The following NDUFA10 variants were observed in gnomAD, a reference collection of about 807,000 sequenced individuals.
NDUFA10 encodes NADH:ubiquinone oxidoreductase subunit A10.
A neutral mutation model predicts 47.8 loss-of-function variants in NDUFA10; 40 were observed. That is an observed-to-expected ratio of 0.84 (90% CI 0.65 to 1.09). The LOEUF (loss-of-function observed/expected upper bound fraction) is 1.09. NDUFA10 is among the 50% of genes least tolerant of loss of function. The pLI is 0.00. For missense variants in NDUFA10, 413 were observed against 451.1 expected (o/e 0.92, Z 0.76); for synonymous variants, 183 against 172.2 (o/e 1.06, Z -0.49).
At chr2:239,951,389 T>C (rs1275027881) in intron 4 of NDUFA10, among the ~76,000 whole-genome samples, 4 of 152,036 alleles carry the variant, frequency 2.6e-5, no homozygotes. Context: ...TCGAAGGTGG[T>C]TGAGATTGGG....
rs1188652717 is a variant in NDUFA10, at chr2:239,959,473, C to T, written c.*1645G>A. 6.1e-6 allele frequency: 6 copies of T among 985,366 alleles called. No homozygotes were observed. The East Asian group carries it at 3.4e-4, about 56-fold the overall frequency. The allele number at this position is 985,366 out of a possible 1,614,324, so 61.0% of individuals were successfully genotyped here. ...TTTGTGAAGTGCTCAGAGCAAAAGA[C>T]ACTCTGTGACTGGCCCAATGCCCAG... On this transcript the variant is annotated 3_prime_UTR_variant, in exon 10 of 10. Coordinates refer to ENST00000252711, the MANE Select transcript of NDUFA10 (RefSeq NM_004544.4).
At chr2:239,910,465 A>G (rs556779815) in intron 4 of NDUFA10, among the ~76,000 whole-genome samples, 1 of 152,296 alleles carries the variant, frequency 6.6e-6, no homozygotes, top group South Asian at 2.1e-4. Context: ...CTAATGCAGG[A>G]ACAGAAAACC....
chr2:239,945,593 GA>G lies in NDUFA10; in HGVS notation c.294+44480del, dbSNP rs1490179146. Among the ~76,000 whole-genome samples, 5 of 152,196 alleles carry G rather than the reference GA, an allele frequency of 3.3e-5. No homozygotes were observed. Among genetic ancestry groups the G allele is most frequent in the Non-Finnish European group, 7.3e-5 (5 of 68,038 alleles). On this transcript the variant is annotated intron_variant, in intron 4 of 5. Coordinates refer to the NDUFA10 transcript ENST00000419408. This position sits in a 1 kb window ranked among gnomAD's most constrained non-coding sequence, Gnocchi z 4.6. ...GGGGGCTGAGGCTCCCTCCAGGGAG[GA>G]CTTGGCCACACACTGGTCCTTCATG...
At chr2:239,939,810 G>A (rs4853979) in intron 4 of NDUFA10, among the ~76,000 whole-genome samples, 124,489 of 152,212 alleles carry the variant, frequency 0.82, 51,175 homozygotes, top group African/African-American at 0.89. Flanking sequence ...CCCTGGGGAC[G>A]GTCAGAACGC....
chr2:240,005,482 G>C (rs190099304), intron 7 of NDUFA10, among the ~76,000 whole-genome samples, 187 bp from the exon 8 acceptor site: 1 of 151,946 alleles, frequency 6.6e-6, no homozygotes, highest in Non-Finnish European at 1.5e-5. Context: ...TCAGCCTCCC[G>C]AGTTGCTGGG....
chr2:240,020,246 G>A (rs1278781325), intron 3 of NDUFA10, among the ~76,000 whole-genome samples: 1 of 152,156 alleles, frequency 6.6e-6, no homozygotes, highest in Non-Finnish European at 1.5e-5. Context: ...AGTGGCGGCT[G>A]AGCTTGTGCG....
intron 4 of NDUFA10, among the ~76,000 whole-genome samples, chr2:239,914,019 G>A (rs1693798122): frequency 6.6e-6 from 1 of 152,180 alleles, no homozygotes; most frequent in African/African-American, 2.4e-5. Flanking sequence ...CGTGGACTTA[G>A]CACAGGACAG....
intron 4 of NDUFA10, among the ~76,000 whole-genome samples, chr2:239,900,615 G>T (rs1030806464): frequency 8.5e-5 from 13 of 152,066 alleles, no homozygotes; most frequent in Non-Finnish European, 1.2e-4. Flanking sequence ...TAGGGGTGGG[G>T]AAGTCACCCA....
intron 8 of NDUFA10, among the ~76,000 whole-genome samples, chr2:239,991,912 T>C (rs1696266392): frequency 6.6e-6 from 1 of 152,212 alleles, no homozygotes; most frequent in African/African-American, 2.4e-5. Flanking sequence ...CTATGCTTAA[T>C]TTGGCAACAT....
chr2:239,931,995 C>T (rs1445110974), intron 4 of NDUFA10, among the ~76,000 whole-genome samples: 1 of 152,034 alleles, frequency 6.6e-6, no homozygotes, highest in Non-Finnish European at 1.5e-5. Flanking sequence ...ATCACCACGC[C>T]CAGCTATTTT....
At chr2:239,918,329 T>C (rs1693912434) in intron 4 of NDUFA10, among the ~76,000 whole-genome samples, 2 of 152,164 alleles carry the variant, frequency 1.3e-5, no homozygotes, top group African/African-American at 4.8e-5. Flanking sequence ...ACACTGGACA[T>C]ACATGCGCCC....
chr2:240,022,039 T>C (rs1336904206), intron 2 of NDUFA10, 133 bp downstream of exon 2: 1 of 711,324 alleles, frequency 1.4e-6, no homozygotes, highest in East Asian at 4.3e-5. Flanking sequence ...TAAACAAAAA[T>C]GTGAAATACC....
At chr2:239,964,391 C>T (rs916558414) in intron 9 of NDUFA10, among the ~76,000 whole-genome samples, 3 of 152,100 alleles carry the variant, frequency 2.0e-5, no homozygotes, top group Admixed American at 6.5e-5. Context: ...CTTGAGCCCC[C>T]GGAAGGAGCC....
At position 240,012,736 on chromosome 2, in the gene NDUFA10, T is replaced by C. The variant is rs79471720; in HGVS notation, c.670-1040A>G. On this transcript the variant is annotated intron_variant, in intron 5 of 9. Coordinates refer to ENST00000252711, the MANE Select transcript of NDUFA10 (RefSeq NM_004544.4). ...ACTGAACATGTATTAATTCCAGTAA[T>C]GCGACGGGGCACAGGGAAAGGATGA... The C allele has an allele frequency of 5.8e-3, 877 of 152,340 alleles. 12 individuals are homozygous for C. Among genetic ancestry groups the C allele is most frequent in the African/African-American group, 0.02 (841 of 41,572 alleles). The allele number at this position is 152,340 out of a possible 1,614,324, so 9.4% of individuals were successfully genotyped here. A position where few individuals can be genotyped will look rare whatever the true frequency, so the allele number is the denominator to read the frequency against.
chr2:240,014,924 T>A, intron 4 of NDUFA10, 64 bp from the exon 5 acceptor site: 1 of 1,609,528 alleles, frequency 6.2e-7, no homozygotes, highest in Non-Finnish European at 8.5e-7. Context: ...CAAAACACAC[T>A]CCTCCTTGAA....
intron 4 of NDUFA10, among the ~76,000 whole-genome samples, chr2:239,923,310 T>C (rs777493894): frequency 3.3e-5 from 5 of 152,156 alleles, no homozygotes; most frequent in Non-Finnish European, 7.4e-5. Flanking sequence ...CAAAAGTATC[T>C]AATATTCTAG....
chr2:239,901,520 C>G (rs979541190), intron 4 of NDUFA10, among the ~76,000 whole-genome samples: 4 of 152,020 alleles, frequency 2.6e-5, no homozygotes, highest in African/African-American at 7.2e-5. Context: ...GCACCTGCCC[C>G]CCAAGAGCTC....
At chr2:239,985,864 T>C (rs1032980280) in intron 9 of NDUFA10, among the ~76,000 whole-genome samples, 2 of 137,562 alleles carry the variant, frequency 1.5e-5, no homozygotes, top group African/African-American at 5.5e-5. Flanking sequence ...TGAGCTGAGA[T>C]CACACCACTG....
chr2:239,941,975 CAGTATGGACCTT>C (rs1378965830), intron 4 of NDUFA10, among the ~76,000 whole-genome samples: 1 of 152,166 alleles, frequency 6.6e-6, no homozygotes, highest in African/African-American at 2.4e-5. Context: ...TGCACCAAAA[CAGTATGGACCTT>C]AGATTTTAAA....
Sources: gnomAD v4.1 joint callset for allele counts (sites outside exome capture counted in the v4.1 genomes callset) on GRCh38, gnomAD v4.1.1 for gene constraint, Gnocchi (gnomAD v3.1) non-coding constraint, MANE v1.5 for transcripts, NCBI Gene and HGNC (gene_info 2026-07-23, HGNC 2026-07-21) for gene names.